The following TASP1 variants were observed in gnomAD, a reference collection of about 807,000 sequenced individuals.
TASP1 encodes the protein threonine aspartase 1.
A neutral mutation model predicts 56.6 loss-of-function variants in TASP1; 16 were observed. The observed-to-expected ratio is 0.28, with a 90% CI of 0.19 to 0.43. The LOEUF is 0.43. Ranked by LOEUF, TASP1 falls within the 20% of genes least tolerant of loss-of-function variation. TASP1 has a pLI of 1.00. For synonymous variants in TASP1, 179 were observed against 184.2 expected (o/e 0.97, Z 0.23); for missense variants, 393 against 511.6 (o/e 0.77, Z 2.24).
chr20:13,614,662 A>G, intron 4 of TASP1: 1 of 349,856 alleles, frequency 2.9e-6, no homozygotes, highest in Admixed American at 3.7e-5. Context: ...GAAAAATGAC[A>G]TCACAACAGT....
intron 7 of TASP1, among the ~76,000 whole-genome samples, chr20:13,569,231 T>C (rs1374463233): frequency 6.6e-6 from 1 of 152,060 alleles, no homozygotes; most frequent in Non-Finnish European, 1.5e-5. Context: ...TGAAGGGTGG[T>C]ATTAATGCTT....
the TASP1 span, among the ~76,000 whole-genome samples, chr20:13,145,607 T>C: frequency 1.3e-5 from 2 of 151,988 alleles, no homozygotes; most frequent in African/African-American, 4.8e-5. Flanking sequence ...AAACTACCAA[T>C]GACATTCTTT....
chr20:13,211,689 GC>G, the TASP1 span, among the ~76,000 whole-genome samples: 1 of 152,058 alleles, frequency 6.6e-6, no homozygotes, highest in African/African-American at 2.4e-5. Context: ...GAGGCTGTTG[GC>G]TTGGCCTGAC....
At chr20:13,369,099 A>G in the TASP1 span, among the ~76,000 whole-genome samples, 1 of 152,190 alleles carries the variant, frequency 6.6e-6, no homozygotes, top group East Asian at 1.9e-4. Flanking sequence ...CCAAATGAAG[A>G]TTTCAGGTAG....
At chr20:13,314,958 T>C in the TASP1 span, among the ~76,000 whole-genome samples, 1 of 152,070 alleles carries the variant, frequency 6.6e-6, no homozygotes, top group Non-Finnish European at 1.5e-5. Context: ...ACAGTGTTAT[T>C]TGAAAGTGGA....
At chr20:13,249,163 G>A in the TASP1 span, among the ~76,000 whole-genome samples, 1 of 152,106 alleles carries the variant, frequency 6.6e-6, no homozygotes, top group Non-Finnish European at 1.5e-5. Flanking sequence ...ACAAAGATCT[G>A]GGGGGAAAAA....
chr20:13,316,027 T>C, the TASP1 span, among the ~76,000 whole-genome samples: 1 of 151,894 alleles, frequency 6.6e-6, no homozygotes, highest in African/African-American at 2.4e-5. Flanking sequence ...AAAAGGTAAA[T>C]AAATTCAATA....
chr20:13,199,214 C>CT, the TASP1 span, among the ~76,000 whole-genome samples: 4 of 151,792 alleles, frequency 2.6e-5, no homozygotes, highest in Admixed American at 6.6e-5. Flanking sequence ...TCTTGTTTTC[C>CT]TTTTTTTTGT....
the TASP1 span, among the ~76,000 whole-genome samples, chr20:13,134,387 T>C: frequency 0.019 from 2,838 of 152,326 alleles, 53 homozygotes; most frequent in South Asian, 0.03. Context: ...TTACTCATTA[T>C]GCCTATCTGC....
chr20:13,236,833 C>CA, the TASP1 span, among the ~76,000 whole-genome samples: 3 of 152,218 alleles, frequency 2.0e-5, no homozygotes, highest in African/African-American at 7.2e-5. Context: ...GACACTGATG[C>CA]AAGAGGTGGG....
the TASP1 span, chr20:13,168,823 G>A: frequency 6.6e-6 from 1 of 152,140 alleles, no homozygotes; most frequent in Non-Finnish European, 1.5e-5. Context: ...ACAATTTGAA[G>A]TCTGTTCTTT....
intron 13 of TASP1, among the ~76,000 whole-genome samples, chr20:13,395,587 T>G (rs1568743046): frequency 1.3e-5 from 2 of 152,196 alleles, no homozygotes. Flanking sequence ...TTGGGCAATG[T>G]AAATATGGTA....
chr20:13,602,752 C>G lies in TASP1; in HGVS notation c.283-15382G>C, dbSNP rs2048009494. On this transcript the variant is annotated intron_variant, in intron 4 of 13. Transcript: ENST00000337743. ...ATAAGAATCTAATGCCACCACTGAT[C>G]TGACAGGAAGCAGAGCTCAGGCGGT... is the stretch of plus-strand genomic sequence containing the variant. 2.0e-5 allele frequency among the ~76,000 whole-genome samples: 3 copies of G among 152,280 alleles called. No individual in the cohort carries two copies. The South Asian group carries it at 6.2e-4, about 32-fold the overall frequency.
At chr20:13,606,994 T>C (rs2048185222) in intron 4 of TASP1, among the ~76,000 whole-genome samples, 1 of 152,160 alleles carries the variant, frequency 6.6e-6, no homozygotes, top group South Asian at 2.1e-4. Context: ...CTGATACTTA[T>C]TAATTCTTAC....
At chr20:13,137,093 G>T in the TASP1 span, among the ~76,000 whole-genome samples, 1 of 150,338 alleles carries the variant, frequency 6.7e-6, no homozygotes, top group Non-Finnish European at 1.5e-5. Flanking sequence ...CATTGTGCTG[G>T]TACAAGAAGT....
At chr20:13,498,619 T>C (rs1042533986) in intron 10 of TASP1, among the ~76,000 whole-genome samples, 2 of 151,776 alleles carry the variant, frequency 1.3e-5, no homozygotes, top group African/African-American at 4.8e-5. Flanking sequence ...GCTAGGATTA[T>C]AGGCGTGGGC....
At chr20:13,587,433 T>C in intron 4 of TASP1, 63 bp from the exon 5 acceptor site, 1 of 1,389,656 alleles carries the variant, frequency 7.2e-7, no homozygotes, top group Non-Finnish European at 9.8e-7. Flanking sequence ...ATGTCAGTCC[T>C]TCATGAAATT....
chr20:13,109,103 A>G, the TASP1 span, among the ~76,000 whole-genome samples: 1 of 152,240 alleles, frequency 6.6e-6, no homozygotes, highest in Admixed American at 6.5e-5. Flanking sequence ...ACATGTACAT[A>G]TATACCAAAC....
At chr20:13,625,407 G>A (rs1438322569) in intron 2 of TASP1, among the ~76,000 whole-genome samples, 155 bp from the exon 3 acceptor site, 1 of 152,164 alleles carries the variant, frequency 6.6e-6, no homozygotes, top group African/African-American at 2.4e-5. Context: ...TCCAGTGTAA[G>A]CCTTTTTAAT....
Sources: gnomAD v4.1 joint callset for allele counts (sites outside exome capture counted in the v4.1 genomes callset) on GRCh38, gnomAD v4.1.1 for gene constraint, MANE v1.5 for transcripts, NCBI Gene and HGNC (gene_info 2026-07-23, HGNC 2026-07-21) for gene names.